DAW1: variants seen among roughly 807,000 people sequenced by gnomAD.
DAW1 encodes dynein assembly factor with WD repeats 1.
Under a neutral mutation model 56.5 loss-of-function variants are expected in DAW1, and 47 were observed. The observed-to-expected ratio is 0.83, with a 90% CI of 0.66 to 1.06. The LOEUF (loss-of-function observed/expected upper bound fraction) is 1.06, where lower values mean the gene tolerates loss of function less well. Among genes scored for constraint, DAW1 ranks in the 50% least tolerant of loss-of-function variants. The probability of loss-of-function intolerance (pLI) is 0.00; values close to 1 mark genes in which losing one functional copy is unlikely to be tolerated. For missense variants in DAW1, 505 were observed against 499.3 expected (o/e 1.01, Z -0.11); for synonymous variants, 190 against 179.0 (o/e 1.06, Z -0.49).
chr2:227,871,646 C>T lies in DAW1; in HGVS notation c.-44C>T. The T allele has an allele frequency of 6.2e-7, 1 of 1,606,350 alleles. No individual in the cohort carries two copies. The highest frequency in any genetic ancestry group is 8.5e-7 in the Non-Finnish European group (1 of 1,176,306). The stretch of plus-strand genomic sequence containing the variant: ...GCGTCCCGCTGCTGTTTAGCCGTTT[C>T]CAAGGCTACGAAGCCCATCGGCCGG... On this transcript the variant is annotated 5_prime_UTR_variant, in exon 1 of 13. Transcript: ENST00000309931.
chr2:227,912,783 G>A (rs1203345473), intron 10 of DAW1, among the ~76,000 whole-genome samples: 2 of 152,118 alleles, frequency 1.3e-5, no homozygotes, highest in Non-Finnish European at 1.5e-5. Flanking sequence ...CCATGTGTCT[G>A]CAATGATAAA....
intron 1 of DAW1, chr2:227,876,369 C>T: frequency 8.5e-7 from 1 of 1,177,200 alleles, no homozygotes; most frequent in South Asian, 1.4e-5. Flanking sequence ...ATGTTTGCGA[C>T]TATTGCCTTA....
chr2:227,909,270 A>ATCTATCTATCTGTCTGTCTGTCTG (rs1553603365), intron 10 of DAW1, among the ~76,000 whole-genome samples: 1 of 144,454 alleles, frequency 6.9e-6, no homozygotes, highest in African/African-American at 2.6e-5. Flanking sequence ...CTATCTATCT[A>ATCTATCTATCTGTCTGTCTGTCTG]TCTGTCTGTC....
At chr2:227,911,340 A>G (rs1236877622) in intron 10 of DAW1, among the ~76,000 whole-genome samples, 2 of 147,856 alleles carry the variant, frequency 1.4e-5, no homozygotes. Flanking sequence ...ATGTGTATAT[A>G]TACACATGTG....
intron 1 of DAW1, among the ~76,000 whole-genome samples, chr2:227,879,288 T>C (rs987869803): frequency 6.6e-6 from 1 of 152,312 alleles, no homozygotes; most frequent in East Asian, 1.9e-4. Context: ...GGGTAAAACT[T>C]ACATCTATTT....
chr2:227,906,425 C>A, intron 9 of DAW1, 87 bp downstream of exon 9: 1 of 858,730 alleles, frequency 1.2e-6, no homozygotes. Context: ...TAACAGATTT[C>A]AAAGATGATA....
intron 2 of DAW1, among the ~76,000 whole-genome samples, chr2:227,889,283 T>G (rs1447808603): frequency 6.6e-6 from 1 of 152,182 alleles, no homozygotes; most frequent in African/African-American, 2.4e-5. Flanking sequence ...TAGTTCTGAC[T>G]GAGAAATCCA....
chr2:227,908,919 A>G (rs772186063), intron 10 of DAW1, among the ~76,000 whole-genome samples: 2 of 152,140 alleles, frequency 1.3e-5, no homozygotes, highest in Non-Finnish European at 1.5e-5. Flanking sequence ...CATCGATACC[A>G]TCTACCTGAT....
At chr2:227,875,549 T>C (rs143372272) in intron 1 of DAW1, among the ~76,000 whole-genome samples, 22 of 152,302 alleles carry the variant, frequency 1.4e-4, no homozygotes, top group African/African-American at 5.1e-4. Context: ...GGGTCTGCAG[T>C]TGGTGTTCTT....
At chr2:227,885,543 G>A in intron 2 of DAW1, 120 bp downstream of exon 2, 1 of 644,374 alleles carries the variant, frequency 1.6e-6, no homozygotes, top group Admixed American at 3.7e-5. Context: ...TTGTTCTTCT[G>A]TGGTGTGTTA....
At chr2:227,916,145 T>G (rs111724342) in intron 10 of DAW1, among the ~76,000 whole-genome samples, 28 of 152,290 alleles carry the variant, frequency 1.8e-4, no homozygotes, top group African/African-American at 6.5e-4. Flanking sequence ...CTGAAAATAA[T>G]GTACTGCTAC....
intron 2 of DAW1, among the ~76,000 whole-genome samples, chr2:227,886,203 C>T (rs1052360537): frequency 6.6e-6 from 1 of 152,108 alleles, no homozygotes; most frequent in African/African-American, 2.4e-5. Flanking sequence ...ATATGTTCCT[C>T]CTCATTAATT....
Position 227,912,497 on chromosome 2 carries a change from T to G in DAW1, c.973+5245T>G, listed in dbSNP as rs144139624. On this transcript the variant is annotated intron_variant, in intron 10 of 12. Coordinates refer to ENST00000309931, the MANE Select transcript of DAW1 (RefSeq NM_178821.3). ...ATGCTACATGCTGTGTTCCTTATCT[T>G]CTTGATGATCATATATAATGCTGCA... 174 of 1,298,766 alleles carry G rather than the reference T, an allele frequency of 1.3e-4. No homozygotes were observed. The African/African-American group carries it at 2.2e-3, about 17-fold the overall frequency. 80.5% of individuals were successfully genotyped at this position (1,298,766 alleles called of 1,614,324 possible).
intron 11 of DAW1, among the ~76,000 whole-genome samples, chr2:227,920,774 T>G (rs1328112438): frequency 6.6e-6 from 1 of 152,076 alleles, no homozygotes; most frequent in Admixed American, 6.5e-5. Context: ...CCTCCCAGGT[T>G]TAAGCGATTC....
At position 227,871,636 on chromosome 2, in the gene DAW1, T is replaced by C. The variant is rs982511732; in HGVS notation, c.-54T>C. On this transcript the variant is annotated 5_prime_UTR_variant, in exon 1 of 13. Coordinates refer to ENST00000309931, the MANE Select transcript of DAW1 (RefSeq NM_178821.3). ...ATGCGCACCCGCGTCCCGCTGCTGT[T>C]TAGCCGTTTCCAAGGCTACGAAGCC... 6.2e-7 allele frequency: 1 copy of C among 1,600,094 alleles called. No individual in the cohort carries two copies. The highest frequency in any genetic ancestry group is 1.3e-5 in the African/African-American group (1 of 74,678).
chr2:227,890,655 G>A (rs960168063), intron 3 of DAW1, among the ~76,000 whole-genome samples: 1 of 152,166 alleles, frequency 6.6e-6, no homozygotes, highest in Non-Finnish European at 1.5e-5. Flanking sequence ...GGAAGAGGAT[G>A]TTATAGTCTT....
At chr2:227,890,377 C>A (rs868716165) in intron 3 of DAW1, among the ~76,000 whole-genome samples, 1 of 151,990 alleles carries the variant, frequency 6.6e-6, no homozygotes, top group Admixed American at 6.5e-5. Flanking sequence ...GTGAACTAAA[C>A]CATATTTCAG....
intron 5 of DAW1, among the ~76,000 whole-genome samples, chr2:227,896,926 T>TA (rs1243973433): frequency 6.6e-6 from 1 of 150,378 alleles, no homozygotes; most frequent in Non-Finnish European, 1.5e-5. Flanking sequence ...CTACAAAAAA[T>TA]AAAAAAAAAT....
intron 11 of DAW1, 60 bp from the exon 12 acceptor site, chr2:227,921,339 T>TA: frequency 3.9e-6 from 1 of 257,168 alleles, no homozygotes; most frequent in Non-Finnish European, 7.1e-6. Context: ...TTTTTGCTGA[T>TA]AAGAAATGTT....
Sources: gnomAD v4.1 joint callset for allele counts (sites outside exome capture counted in the v4.1 genomes callset) on GRCh38, gnomAD v4.1.1 for gene constraint, MANE v1.5 for transcripts, NCBI Gene and HGNC (gene_info 2026-07-23, HGNC 2026-07-21) for gene names.